The following MTCH2 variants were observed in gnomAD, a reference collection of about 807,000 sequenced individuals.
The protein encoded by MTCH2 is mitochondrial carrier homolog 2.
MTCH2 carries 25 observed loss-of-function variants against 50.6 expected under a neutral mutation model. The observed-to-expected ratio is 0.49, with a 90% CI of 0.36 to 0.69. The LOEUF (loss-of-function observed/expected upper bound fraction) is 0.69. Ranked by LOEUF, MTCH2 falls within the 30% of genes least tolerant of loss-of-function variation. The pLI is 0.00. For synonymous variants in MTCH2, 106 were observed against 132.0 expected (o/e 0.80, Z 1.35); for missense variants, 273 against 384.4 (o/e 0.71, Z 2.42).
At chr11:47,612,459 T>C (rs1255350974), downstream of MTCH2, among the ~76,000 whole-genome samples, 3 of 151,882 alleles carry the variant, frequency 2.0e-5, no homozygotes, top group African/African-American at 7.3e-5. Flanking sequence ...TCCCAGCTAC[T>C]TGGGGGCTGA....
chr11:47,629,531 TG>T (rs2097301068), intron 8 of MTCH2, among the ~76,000 whole-genome samples: 1 of 152,046 alleles, frequency 6.6e-6, no homozygotes. Flanking sequence ...GTGACCTAGG[TG>T]AGGCAGCATG....
downstream of MTCH2, among the ~76,000 whole-genome samples, chr11:47,613,449 AAGCACCC>A (rs1214486053): frequency 3.3e-5 from 5 of 152,190 alleles, no homozygotes; most frequent in African/African-American, 4.8e-5. Context: ...GATGTTTTAG[AAGCACCC>A]AGTAGAGGTG....
chr11:47,606,348 TCTC>T, the MTCH2 span, among the ~76,000 whole-genome samples: 1 of 152,158 alleles, frequency 6.6e-6, no homozygotes, highest in African/African-American at 2.4e-5. Flanking sequence ...AACCCTGTCT[TCTC>T]CTTTTTCCTC....
At chr11:47,604,881 A>C in the MTCH2 span, among the ~76,000 whole-genome samples, 27 of 152,248 alleles carry the variant, frequency 1.8e-4, no homozygotes, top group Non-Finnish European at 3.2e-4. Context: ...TCTATTAGAA[A>C]CCATTAACAG....
At chr11:47,633,518 ATATATATATTTTTTTT>A (rs1210488317) in intron 5 of MTCH2, among the ~76,000 whole-genome samples, 1 of 18,818 alleles carries the variant, frequency 5.3e-5, no homozygotes, top group African/African-American at 1.5e-4. Context: ...ATATATATAT[ATATATATATTTTTTTT>A]TTTTTTTTTT....
the MTCH2 span, among the ~76,000 whole-genome samples, chr11:47,612,072 C>G: frequency 6.6e-6 from 1 of 152,164 alleles, no homozygotes; most frequent in Non-Finnish European, 1.5e-5. Context: ...CTTTCACTCA[C>G]TTTAGAAAAT....
At chr11:47,619,056 T>A in intron 12 of MTCH2, 137 bp from the exon 13 acceptor site, 1 of 734,690 alleles carries the variant, frequency 1.4e-6, no homozygotes, top group Non-Finnish European at 2.3e-6. Flanking sequence ...AGAACAAGGA[T>A]TAGTATTCTC....
At chr11:47,625,599 A>C in intron 11 of MTCH2, 75 bp downstream of exon 11, 1 of 997,404 alleles carries the variant, frequency 1.0e-6, no homozygotes, top group African/African-American at 2.0e-5. Context: ...CATCTTTCCT[A>C]AATTTCTACA....
At chr11:47,616,881 T>C (rs1156865493), downstream of MTCH2, among the ~76,000 whole-genome samples, 1 of 151,778 alleles carries the variant, frequency 6.6e-6, no homozygotes, top group African/African-American at 2.4e-5. Flanking sequence ...ACAGGGTTTC[T>C]TCATGTTGGT....
chr11:47,632,865 A>AT (rs1055230802), intron 5 of MTCH2, among the ~76,000 whole-genome samples: 32 of 147,826 alleles, frequency 2.2e-4, no homozygotes, highest in African/African-American at 8.0e-4. Context: ...TGCCCAGTTA[A>AT]TTTTTTTTGT....
chr11:47,637,007 G>A (rs1026666979), intron 3 of MTCH2, among the ~76,000 whole-genome samples: 2 of 150,300 alleles, frequency 1.3e-5, no homozygotes, highest in South Asian at 4.2e-4. Flanking sequence ...CACCCAGCTG[G>A]AGTGCAATGG....
the MTCH2 span, among the ~76,000 whole-genome samples, chr11:47,604,755 A>C: frequency 9.2e-5 from 14 of 152,208 alleles, no homozygotes; most frequent in African/African-American, 3.4e-4. Context: ...ATCGCTAAGA[A>C]ATGCTGTTAG....
At chr11:47,641,402 A>C (rs1201887675) in intron 1 of MTCH2, among the ~76,000 whole-genome samples, 1 of 152,198 alleles carries the variant, frequency 6.6e-6, no homozygotes, top group East Asian at 1.9e-4. Context: ...CAACTCAAGA[A>C]TAAGAAATGG....
the MTCH2 span, among the ~76,000 whole-genome samples, chr11:47,607,531 C>T: frequency 6.6e-6 from 1 of 152,152 alleles, no homozygotes; most frequent in East Asian, 1.9e-4. Flanking sequence ...TTCAGATGGG[C>T]CTGTGACTCA....
chr11:47,611,149 CAGGGAG>C, the MTCH2 span, among the ~76,000 whole-genome samples: 1 of 152,224 alleles, frequency 6.6e-6, no homozygotes, highest in Non-Finnish European at 1.5e-5. Flanking sequence ...CCAAAGAGGA[CAGGGAG>C]ATTATAGGCC....
In MTCH2 at chr11:47,625,733, C is replaced by A; in HGVS notation, c.690G>T (p.Ala230=). The A allele has an allele frequency of 6.8e-7, 1 of 1,462,462 alleles. No homozygotes were observed. Among genetic ancestry groups the A allele is most frequent in the South Asian group, 1.3e-5 (1 of 74,698 alleles). The allele number at this position is 1,462,462 out of a possible 1,614,324, so 90.6% of individuals were successfully genotyped here. A position where few individuals can be genotyped will look rare whatever the true frequency, so the allele number is the denominator to read the frequency against. The part of the protein sequence containing the change: ...SYSQAVTGFF[A]SMLTYPFVLV... ...GCACAAAGGGATAGGTCAACATACT[C>A]GCAAAAAACTGTAAAATGGAAACAA... The change falls in exon 11 of 13, where the codon GCG becomes GCT. Residue 230 remains alanine (A), a synonymous_variant. Coordinates refer to ENST00000302503, the MANE Select transcript of MTCH2 (RefSeq NM_014342.4).
chr11:47,628,247 GA>G (rs2097299832), intron 9 of MTCH2, among the ~76,000 whole-genome samples: 2 of 152,172 alleles, frequency 1.3e-5, no homozygotes, highest in Non-Finnish European at 2.9e-5. Context: ...GAGGTTTCTA[GA>G]AAGCCCAATA....
At chr11:47,609,449 T>G in the MTCH2 span, among the ~76,000 whole-genome samples, 264 of 93,714 alleles carry the variant, frequency 2.8e-3, 1 homozygote, top group Middle Eastern at 0.028. Context: ...CAGAGTGAGA[T>G]TCTGTATCAA....
chr11:47,605,796 A>T, the MTCH2 span, among the ~76,000 whole-genome samples: 1 of 152,230 alleles, frequency 6.6e-6, no homozygotes, highest in East Asian at 1.9e-4. Flanking sequence ...AAGGAACACT[A>T]TGTATGGCCC....
Sources: gnomAD v4.1 joint callset for allele counts (sites outside exome capture counted in the v4.1 genomes callset) on GRCh38, gnomAD v4.1.1 for gene constraint, MANE v1.5 for transcripts, NCBI Gene and HGNC (gene_info 2026-07-23, HGNC 2026-07-21) for gene names.